ZDHHC3: variants seen among roughly 807,000 people sequenced by gnomAD.
ZDHHC3 encodes zDHHC palmitoyltransferase 3.
A neutral mutation model predicts 30.6 loss-of-function variants in ZDHHC3; 9 were observed. The ratio of observed to expected loss-of-function variants is 0.29; its 90% CI spans 0.18 to 0.51. ZDHHC3 has a LOEUF of 0.51. ZDHHC3 is among the 20% of genes least tolerant of loss of function. The pLI, the probability that ZDHHC3 is intolerant of heterozygous loss-of-function variation, is 0.97. For synonymous variants in ZDHHC3, 136 were observed against 140.2 expected (o/e 0.97, Z 0.21); for missense variants, 246 against 384.2 (o/e 0.64, Z 3.01).
intron 5 of ZDHHC3, among the ~76,000 whole-genome samples, chr3:44,930,545 C>A (rs1701403509): frequency 6.6e-6 from 1 of 152,170 alleles, no homozygotes; most frequent in African/African-American, 2.4e-5. Flanking sequence ...CAGAGTCGGG[C>A]TTCATTAATT....
At chr3:44,941,502 C>G (rs998128822) in intron 3 of ZDHHC3, among the ~76,000 whole-genome samples, 1 of 152,126 alleles carries the variant, frequency 6.6e-6, no homozygotes, top group Non-Finnish European at 1.5e-5. Context: ...CATAGATTTT[C>G]TCAGTAATCA....
At chr3:44,973,352 C>T (rs1705560712) in intron 1 of ZDHHC3, among the ~76,000 whole-genome samples, 5 of 152,124 alleles carry the variant, frequency 3.3e-5, no homozygotes, top group Admixed American at 3.3e-4. Flanking sequence ...AACCTGTGAC[C>T]CTGGTTAAGG....
At chr3:44,975,726 G>A (rs185798095) in intron 1 of ZDHHC3, among the ~76,000 whole-genome samples, 1 of 150,276 alleles carries the variant, frequency 6.7e-6, no homozygotes, top group Non-Finnish European at 1.5e-5. Flanking sequence ...CAATCACGAC[G>A]TCCGCCCCTC....
At chr3:44,957,610 C>A (rs576444064) in intron 2 of ZDHHC3, among the ~76,000 whole-genome samples, 62 of 152,354 alleles carry the variant, frequency 4.1e-4, no homozygotes, top group African/African-American at 1.4e-3. Context: ...GAGCCATGCT[C>A]CTGCATTCCT....
chr3:44,968,749 C>T (rs187293118), intron 1 of ZDHHC3, among the ~76,000 whole-genome samples: 1 of 152,312 alleles, frequency 6.6e-6, no homozygotes, highest in East Asian at 1.9e-4. Context: ...CTATGAGCCC[C>T]TTCTGGCACC....
At position 44,924,138 on chromosome 3, in the gene ZDHHC3, T is replaced by C. The variant is rs2125793998; in HGVS notation, c.*2551A>G. On this transcript the variant is annotated 3_prime_UTR_variant, in exon 7 of 7. Coordinates refer to ENST00000424952, the MANE Select transcript of ZDHHC3 (RefSeq NM_001135179.2). ...AATTTCCCATGAGTGCACCAAACAG[T>C]ACTATCAGAACTCCTGTGACCAAGC... 1.0e-6 allele frequency: 1 copy of C among 985,414 alleles called. No individual in the cohort carries two copies. The highest frequency in any genetic ancestry group is 1.2e-6 in the Non-Finnish European group (1 of 829,924). 61.0% of individuals were successfully genotyped at this position (985,414 alleles called of 1,614,324 possible). A position where few individuals can be genotyped will look rare whatever the true frequency, so the allele number is the denominator to read the frequency against.
intron 1 of ZDHHC3, among the ~76,000 whole-genome samples, chr3:44,963,612 G>A (rs1183035797): frequency 6.6e-6 from 1 of 151,854 alleles, no homozygotes; most frequent in Non-Finnish European, 1.5e-5. Flanking sequence ...TTTTGAATTA[G>A]AGAAACTCCA....
At position 44,922,222 on chromosome 3, in the gene ZDHHC3, G is replaced by A. The variant is rs1390298173; in HGVS notation, c.*4467C>T. On this transcript the variant is annotated 3_prime_UTR_variant, in exon 7 of 7. Transcript: ENST00000424952. ...GCCACATGGGTGTTGAAACCCACAC[G>A]TAGAAAGCAAAGGTCAAGACGTGTT... 4.1e-6 allele frequency: 4 copies of A among 985,350 alleles called. No homozygotes were observed. The highest frequency in any genetic ancestry group is 6.1e-5 in the Admixed American group (1 of 16,272). 61.0% of individuals were successfully genotyped at this position (985,350 alleles called of 1,614,324 possible).
chr3:44,930,182 C>T (rs1406595629), intron 5 of ZDHHC3, among the ~76,000 whole-genome samples: 1 of 152,248 alleles, frequency 6.6e-6, no homozygotes, highest in Non-Finnish European at 1.5e-5. Context: ...ACCCACTGCA[C>T]TGTGAAGCAG....
intron 1 of ZDHHC3, among the ~76,000 whole-genome samples, chr3:44,968,149 A>G (rs1468981848): frequency 6.6e-6 from 1 of 151,998 alleles, no homozygotes; most frequent in Non-Finnish European, 1.5e-5. Context: ...TTCCACCCAA[A>G]GTTGGAATGA....
At chr3:44,962,739 G>A (rs150740781) in intron 1 of ZDHHC3, among the ~76,000 whole-genome samples, 18 of 152,270 alleles carry the variant, frequency 1.2e-4, no homozygotes, top group East Asian at 1.9e-4. Context: ...TATAATTGCC[G>A]TTCTGGCATC....
chr3:44,942,573 CA>C (rs1246798973), intron 3 of ZDHHC3, among the ~76,000 whole-genome samples: 1 of 152,198 alleles, frequency 6.6e-6, no homozygotes, highest in African/African-American at 2.4e-5. Context: ...AAAGAATCAC[CA>C]AAAGTTCTTT....
intron 5 of ZDHHC3, among the ~76,000 whole-genome samples, chr3:44,930,040 T>G (rs1701357027): frequency 6.6e-6 from 1 of 152,172 alleles, no homozygotes; most frequent in Admixed American, 6.5e-5. Context: ...CAGGGACATT[T>G]GCAGCACCGA....
In ZDHHC3 at chr3:44,924,461, A is replaced by T; in HGVS notation, c.*2228T>A. On this transcript the variant is annotated 3_prime_UTR_variant, in exon 7 of 7. Transcript: ENST00000424952. Reference sequence around the variant, plus strand: ...TCTTTCTAGCCAAGGCCTATACAAAACCAGAGGCAGAATCCTATAGGATAT... The same window carrying T: ...TCTTTCTAGCCAAGGCCTATACAAATCCAGAGGCAGAATCCTATAGGATAT... The T allele has an allele frequency of 1.0e-6, 1 of 985,436 alleles. No homozygotes were observed. The highest frequency in any genetic ancestry group is 1.2e-6 in the Non-Finnish European group (1 of 829,930). The allele number at this position is 985,436 out of a possible 1,614,324, so 61.0% of individuals were successfully genotyped here.
intron 3 of ZDHHC3, among the ~76,000 whole-genome samples, chr3:44,942,947 T>C (rs1006343087): frequency 6.6e-6 from 1 of 151,988 alleles, no homozygotes; most frequent in Non-Finnish European, 1.5e-5. Flanking sequence ...TGAGTGATGG[T>C]TAGAAAACAG....
chr3:44,932,879 G>C, intron 5 of ZDHHC3: 1 of 1,610,822 alleles, frequency 6.2e-7, no homozygotes, highest in Non-Finnish European at 8.5e-7. Context: ...CAGTCCAGAG[G>C]GTCTGTCTGT....
At chr3:44,963,606 G>A (rs925320378) in intron 1 of ZDHHC3, among the ~76,000 whole-genome samples, 8 of 151,526 alleles carry the variant, frequency 5.3e-5, no homozygotes, top group African/African-American at 1.7e-4. Flanking sequence ...TTTCTATTTT[G>A]AATTAGAGAA....
At chr3:44,954,131 T>C (rs534196972) in intron 2 of ZDHHC3, among the ~76,000 whole-genome samples, 1 of 151,310 alleles carries the variant, frequency 6.6e-6, no homozygotes, top group African/African-American at 2.4e-5. Context: ...TGAAAATCAG[T>C]GGCCGGTAGT....
At position 44,920,669 on chromosome 3, in the gene ZDHHC3, C is replaced by T. The variant is rs1700529581; in HGVS notation, c.*6020G>A. The stretch of plus-strand genomic sequence containing the variant: ...AGTTCTACTGCAAATCACCACTGTG[C>T]CCAGGCTGAGCTCAGTCAGAGAGAA... On this transcript the variant is annotated 3_prime_UTR_variant, in exon 7 of 7. Transcript: ENST00000424952. 1.5e-5 allele frequency: 15 copies of T among 985,268 alleles called. No individual in the cohort carries two copies. The Admixed American group carries it at 3.7e-4, about 24-fold the overall frequency. 61.0% of individuals were successfully genotyped at this position (985,268 alleles called of 1,614,324 possible).
Sources: gnomAD v4.1 joint callset for allele counts (sites outside exome capture counted in the v4.1 genomes callset) on GRCh38, gnomAD v4.1.1 for gene constraint, MANE v1.5 for transcripts, NCBI Gene and HGNC (gene_info 2026-07-23, HGNC 2026-07-21) for gene names.